Variants in KLHL32 observed in about 807,000 individuals in gnomAD.
KLHL32 encodes the protein kelch-like protein 32.
Under a neutral mutation model 64.8 loss-of-function variants are expected in KLHL32, and 35 were observed. That is an observed-to-expected ratio of 0.54 (90% CI 0.41 to 0.72). The LOEUF (loss-of-function observed/expected upper bound fraction) is 0.72. Among genes scored for constraint, KLHL32 ranks in the 30% least tolerant of loss-of-function variants. The pLI is 0.00. For missense variants in KLHL32, 589 were observed against 768.5 expected, an observed-to-expected ratio of 0.77 and a Z score of 2.76; for synonymous variants, 259 against 281.0, an observed-to-expected ratio of 0.92 and a Z score of 0.78.
intron 4 of KLHL32, among the ~76,000 whole-genome samples, chr6:97,064,358 C>CA (rs1177763914): frequency 6.6e-6 from 1 of 151,980 alleles, no homozygotes; most frequent in Non-Finnish European, 1.5e-5. Flanking sequence ...TACCCTTCTA[C>CA]AAAAAAATAA....
intron 5 of KLHL32, among the ~76,000 whole-genome samples, chr6:97,066,059 C>G (rs1789692690): frequency 6.6e-6 from 1 of 152,058 alleles, no homozygotes; most frequent in Non-Finnish European, 1.5e-5. Flanking sequence ...TTTTTAATCC[C>G]TTTCTGCCTG....
At chr6:96,919,733 A>G (rs893729363), upstream of KLHL32, among the ~76,000 whole-genome samples, 20 of 152,186 alleles carry the variant, frequency 1.3e-4, no homozygotes, top group South Asian at 4.1e-4. Flanking sequence ...TCATCATAAA[A>G]ATAATAAACA....
At chr6:96,926,984 A>G (rs864796) in intron 1 of KLHL32, among the ~76,000 whole-genome samples, 37,880 of 152,170 alleles carry the variant, frequency 0.25, 5,010 homozygotes, top group Non-Finnish European at 0.29. Context: ...GTGAAAAAAT[A>G]CATCCATCAT....
chr6:96,908,226 A>C, the KLHL32 span, among the ~76,000 whole-genome samples: 3 of 152,244 alleles, frequency 2.0e-5, no homozygotes, highest in African/African-American at 7.2e-5. Context: ...TTTCAAGATA[A>C]GTCAAAGGTT....
intron 5 of KLHL32, among the ~76,000 whole-genome samples, chr6:97,079,535 G>C (rs954925703): frequency 7.9e-5 from 12 of 152,182 alleles, no homozygotes; most frequent in African/African-American, 2.9e-4. Context: ...ACCATTGAAG[G>C]AACCAATTAG....
chr6:96,936,272 A>G (rs1003505911), intron 1 of KLHL32, among the ~76,000 whole-genome samples: 3 of 152,230 alleles, frequency 2.0e-5, no homozygotes, highest in African/African-American at 7.2e-5. Context: ...TCATTTCTCT[A>G]AAGTATCTTA....
At chr6:96,981,233 T>C (rs1776272491) in intron 3 of KLHL32, among the ~76,000 whole-genome samples, 1 of 152,200 alleles carries the variant, frequency 6.6e-6, no homozygotes, top group South Asian at 2.1e-4. Context: ...GATTCAATTT[T>C]GGAACTTCTT....
chr6:97,091,082 G>T (rs1463350253), intron 6 of KLHL32, among the ~76,000 whole-genome samples: 4 of 152,226 alleles, frequency 2.6e-5, no homozygotes, highest in Non-Finnish European at 5.9e-5. Context: ...GCTAGGCATT[G>T]TGGCATGCAC....
At chr6:97,129,775 G>A (rs538456720) in intron 8 of KLHL32, among the ~76,000 whole-genome samples, 59 of 152,220 alleles carry the variant, frequency 3.9e-4, no homozygotes, top group Admixed American at 9.2e-4. Flanking sequence ...CCAGCTACTC[G>A]GGAGGATGAG....
At chr6:97,011,322 CT>C (rs1380797835) in intron 3 of KLHL32, among the ~76,000 whole-genome samples, 3 of 152,122 alleles carry the variant, frequency 2.0e-5, no homozygotes, top group Non-Finnish European at 4.4e-5. Flanking sequence ...GCAAAAGTCA[CT>C]TTTAAGAAGC....
At chr6:97,035,752 C>T (rs1784200042) in intron 3 of KLHL32, among the ~76,000 whole-genome samples, 1 of 152,030 alleles carries the variant, frequency 6.6e-6, no homozygotes, top group African/African-American at 2.4e-5. Context: ...TCTTTTGCTT[C>T]TTTCAAAATT....
At chr6:96,992,611 C>T (rs979947665) in intron 3 of KLHL32, among the ~76,000 whole-genome samples, 3 of 152,162 alleles carry the variant, frequency 2.0e-5, no homozygotes, top group Non-Finnish European at 2.9e-5. Flanking sequence ...AATACGTGCG[C>T]GCATGTGAGT....
chr6:97,004,375 G>A (rs1779408256), intron 3 of KLHL32, among the ~76,000 whole-genome samples: 1 of 152,134 alleles, frequency 6.6e-6, no homozygotes, highest in South Asian at 2.1e-4. Flanking sequence ...GAACTTTTGG[G>A]CAGAGGCTAT....
the KLHL32 span, among the ~76,000 whole-genome samples, chr6:96,916,367 C>CAG: frequency 0.59 from 88,877 of 151,874 alleles, 26,579 homozygotes; most frequent in African/African-American, 0.7. Context: ...TATAGAAGTA[C>CAG]AGTCTTTCTC....
chr6:96,912,748 C>A, the KLHL32 span, among the ~76,000 whole-genome samples: 1 of 152,118 alleles, frequency 6.6e-6, no homozygotes, highest in Non-Finnish European at 1.5e-5. Context: ...GTTTATGTGT[C>A]ACTTTATCCA....
intron 1 of KLHL32, among the ~76,000 whole-genome samples, chr6:96,946,369 T>C (rs1228736568): frequency 2.6e-5 from 4 of 152,152 alleles, no homozygotes; most frequent in African/African-American, 7.2e-5. Context: ...TATCACTTAC[T>C]TATTTGCCAT....
intron 3 of KLHL32, among the ~76,000 whole-genome samples, chr6:96,980,193 T>G (rs1776150567): frequency 6.6e-6 from 1 of 152,150 alleles, no homozygotes; most frequent in Non-Finnish European, 1.5e-5. Context: ...GGACTTCCAG[T>G]ACTATGTTGA....
intron 5 of KLHL32, among the ~76,000 whole-genome samples, chr6:97,083,385 G>A (rs1010920907): frequency 4.0e-4 from 27 of 68,204 alleles, no homozygotes; most frequent in South Asian, 1.5e-3. Context: ...GCAAGACTCC[G>A]TCTCAAAAAA....
intron 2 of KLHL32, among the ~76,000 whole-genome samples, chr6:96,971,462 G>T (rs1038879125): frequency 6.6e-6 from 1 of 152,172 alleles, no homozygotes; most frequent in South Asian, 2.1e-4. Flanking sequence ...TAGTTTTTGT[G>T]ATCAATTCCA....
Sources: allele counts gnomAD v4.1 joint callset (sites outside exome capture counted in the v4.1 genomes callset), GRCh38; gene constraint gnomAD v4.1.1; transcripts MANE v1.5; gene names NCBI Gene and HGNC (gene_info 2026-07-23, HGNC 2026-07-21).